Variants in ANKRD28 observed in about 807,000 individuals in gnomAD.
ANKRD28 encodes the protein serine/threonine-protein phosphatase 6 regulatory ankyrin repeat subunit A.
A neutral mutation model predicts 126.5 loss-of-function variants in ANKRD28; 44 were observed. That is an observed-to-expected ratio of 0.35 (90% CI 0.27 to 0.45). ANKRD28 has a LOEUF of 0.45. Among genes scored for constraint, ANKRD28 ranks in the 20% least tolerant of loss-of-function variants. The pLI is 1.00. For missense variants in ANKRD28, 1,110 were observed against 1,316.6 expected, an observed-to-expected ratio of 0.84 and a Z score of 2.43; for synonymous variants, 442 against 468.5, an observed-to-expected ratio of 0.94 and a Z score of 0.73.
At chr3:15,818,027 A>G (rs537612074) in intron 1 of ANKRD28, among the ~76,000 whole-genome samples, 1 of 152,316 alleles carries the variant, frequency 6.6e-6, no homozygotes, top group South Asian at 2.1e-4. Context: ...ACTCAAAAAT[A>G]CTAAGGTATA....
chr3:15,736,465 C>T (rs1304053100), intron 5 of ANKRD28, among the ~76,000 whole-genome samples: 1 of 152,148 alleles, frequency 6.6e-6, no homozygotes, highest in East Asian at 1.9e-4. Flanking sequence ...CTATAAGTTC[C>T]TACCCCTGCA....
chr3:15,731,339 G>A (rs2074580847), intron 6 of ANKRD28, among the ~76,000 whole-genome samples: 1 of 152,150 alleles, frequency 6.6e-6, no homozygotes, highest in Non-Finnish European at 1.5e-5. Context: ...ATTCTTAGTA[G>A]GTAAAAACAC....
Position 15,677,464 on chromosome 3 carries a change from T to G in ANKRD28, c.2790+16A>C. 1 of 1,577,360 alleles carries G rather than the reference T, an allele frequency of 6.3e-7. No individual in the cohort carries two copies. The highest frequency in any genetic ancestry group is 8.7e-7 in the Non-Finnish European group (1 of 1,148,842). The stretch of plus-strand genomic sequence containing the variant: ...AATATTAACAATGGAAACATATTCT[T>G]AAGATGTATACATACCTTGCTACAA... On this transcript the variant is annotated intron_variant, in intron 25 of 27. Coordinates refer to ENST00000683139, the MANE Select transcript of ANKRD28 (RefSeq NM_001349278.2).
chr3:15,833,426 A>T lies in ANKRD28; in HGVS notation c.27+25951T>A, dbSNP rs555114321. Among the ~76,000 whole-genome samples, 1 of 151,826 alleles carries T rather than the reference A, an allele frequency of 6.6e-6. No homozygotes were observed. Among genetic ancestry groups the T allele is most frequent in the East Asian group, 1.9e-4 (1 of 5,176 alleles). On this transcript the variant is annotated intron_variant, in intron 1 of 27. Transcript: ENST00000399451. This position sits in a 1 kb window ranked among gnomAD's most constrained non-coding sequence, Gnocchi z 4.4. ...TTGCTCCTCAGCTGGCAGATGCCCT[A>T]CTGTGGGACCTTGTGATCATGTGAG...
chr3:15,687,655 T>C (rs2068293563), intron 18 of ANKRD28, among the ~76,000 whole-genome samples: 1 of 151,140 alleles, frequency 6.6e-6, no homozygotes, highest in Admixed American at 6.6e-5. Context: ...CCCACAGTTA[T>C]ATTAAATACT....
intron 1 of ANKRD28, among the ~76,000 whole-genome samples, chr3:15,824,146 T>C (rs1367632267): frequency 6.6e-6 from 1 of 152,238 alleles, no homozygotes; most frequent in Non-Finnish European, 1.5e-5. Flanking sequence ...TATGATGTTA[T>C]ACATAGAAAA....
At chr3:15,675,289 C>A (rs1053405510) in intron 27 of ANKRD28, among the ~76,000 whole-genome samples, 9 of 151,956 alleles carry the variant, frequency 5.9e-5, no homozygotes, top group African/African-American at 1.9e-4. Context: ...ACAACAACAA[C>A]AACAACAAAA....
chr3:15,750,375 G>GTTC (rs1421857899), intron 4 of ANKRD28, among the ~76,000 whole-genome samples: 1 of 152,140 alleles, frequency 6.6e-6, no homozygotes, highest in African/African-American at 2.4e-5. Flanking sequence ...AGAATTCAAA[G>GTTC]TATTTTGGCT....
At chr3:15,680,267 C>T (rs760500966) in intron 21 of ANKRD28, among the ~76,000 whole-genome samples, 8 of 151,886 alleles carry the variant, frequency 5.3e-5, no homozygotes, top group South Asian at 2.1e-4. Flanking sequence ...TGCAGTGGCG[C>T]GATCTTGGCT....
rs775623053 is a variant in ANKRD28, at chr3:15,797,911, G to A, written c.-1390C>T. 1.3e-5 allele frequency: 13 copies of A among 985,386 alleles called. No homozygotes were observed. The highest frequency in any genetic ancestry group is 1.6e-5 in the Non-Finnish European group (13 of 829,944). 61.0% of individuals were successfully genotyped at this position (985,386 alleles called of 1,614,324 possible). On this transcript the variant is annotated 5_prime_UTR_variant, in exon 1 of 28. Transcript: ENST00000683139. Reference sequence around the variant, plus strand: ...CATTCCAACGGAGCAACAGTCTGAAGAGCAAAGACTGCAGACCCACAGGAT... The same window carrying A: ...CATTCCAACGGAGCAACAGTCTGAAAAGCAAAGACTGCAGACCCACAGGAT...
chr3:15,795,414 C>A, intron 1 of ANKRD28, 108 bp from the exon 2 acceptor site: 3 of 663,352 alleles, frequency 4.5e-6, no homozygotes, highest in South Asian at 2.4e-5. Flanking sequence ...TAGCAATAAT[C>A]ACTTTTGACA....
At position 15,748,178 on chromosome 3, in the gene ANKRD28, G is replaced by A. The variant is rs553536424; in HGVS notation, c.351+3572C>T. Among the ~76,000 whole-genome samples, 9 of 152,182 alleles carry A rather than the reference G, an allele frequency of 5.9e-5. No homozygotes were observed. In the South Asian group the frequency reaches 1.9e-3, roughly 32 times the overall value. ...TGTATCCTTTAAGTAGAGCATTTAG[G>A]CCATTTACATTCAATGTTAGTATTG... On this transcript the variant is annotated intron_variant, in intron 4 of 27. Coordinates refer to ENST00000683139, the MANE Select transcript of ANKRD28 (RefSeq NM_001349278.2).
At position 15,680,812 on chromosome 3, in the gene ANKRD28, C is replaced by A. The variant is rs868292251; in HGVS notation, c.2390-1249G>T. Among the ~76,000 whole-genome samples the A allele has an allele frequency of 2.0e-4, 30 of 151,902 alleles. No homozygotes were observed. In the South Asian group the frequency reaches 3.1e-3, roughly 16 times the overall value. On this transcript the variant is annotated intron_variant, in intron 21 of 27. Transcript: ENST00000683139. ...TCCTGAGTTGCTAAGACAACAGGTG[C>A]AAGGCTACCACACCTGGCTAATTTT...
In ANKRD28 at chr3:15,748,050, T is replaced by C. The variant is rs1389909397; in HGVS notation, c.351+3700A>G. ...TGGTGTCCATTTGCATGGAGTATCT[T>C]TTTCTACCCCTTTACTTAAGTTTCT... On this transcript the variant is annotated intron_variant, in intron 4 of 27. Coordinates refer to ENST00000683139, the MANE Select transcript of ANKRD28 (RefSeq NM_001349278.2). 2.0e-5 allele frequency among the ~76,000 whole-genome samples: 3 copies of C among 152,194 alleles called. No individual in the cohort carries two copies. The East Asian group carries it at 5.8e-4, about 29-fold the overall frequency.
intron 1 of ANKRD28, 56 bp downstream of exon 1, chr3:15,796,349 G>A: frequency 9.7e-7 from 1 of 1,032,080 alleles, no homozygotes. Context: ...TAAAAAACAA[G>A]ATTTATACTA....
intron 1 of ANKRD28, among the ~76,000 whole-genome samples, chr3:15,850,058 A>C (rs1031994305): frequency 6.6e-6 from 1 of 151,672 alleles, no homozygotes; most frequent in Admixed American, 6.6e-5. Flanking sequence ...ATGGAACAGA[A>C]CTGAGAGCCC....
intron 6 of ANKRD28, among the ~76,000 whole-genome samples, chr3:15,726,845 G>A (rs2455846): frequency 9.5e-4 from 144 of 152,278 alleles, no homozygotes; most frequent in Non-Finnish European, 9.8e-4. Context: ...CGCAGCTAAT[G>A]ACTTTAAGTC....
At chr3:15,825,487 A>G (rs1404101771) in intron 1 of ANKRD28, among the ~76,000 whole-genome samples, 2 of 152,190 alleles carry the variant, frequency 1.3e-5, no homozygotes, top group African/African-American at 2.4e-5. Flanking sequence ...TGAACTGCAC[A>G]TCGTATACAA....
At chr3:15,824,393 T>G (rs891592623) in intron 1 of ANKRD28, among the ~76,000 whole-genome samples, 3 of 152,140 alleles carry the variant, frequency 2.0e-5, no homozygotes, top group Admixed American at 2.0e-4. Flanking sequence ...TGAGCTTAAG[T>G]GATCTGCCTG....
Sources: gnomAD v4.1 joint callset for allele counts (sites outside exome capture counted in the v4.1 genomes callset) on GRCh38, gnomAD v4.1.1 for gene constraint, Gnocchi (gnomAD v3.1) non-coding constraint, MANE v1.5 for transcripts, NCBI Gene and HGNC (gene_info 2026-07-23, HGNC 2026-07-21) for gene names.